The following CACHD1 variants were observed in gnomAD, a reference collection of about 807,000 sequenced individuals.
The protein encoded by CACHD1 is cache domain containing 1, also known as VWFA and cache domain-containing protein 1.
In CACHD1, 71 loss-of-function variants were observed where a neutral mutation model predicts 138.7. The observed-to-expected ratio is 0.51, with a 90% CI of 0.42 to 0.62. CACHD1 has a LOEUF of 0.62. Ranked by LOEUF, CACHD1 falls within the 20% of genes least tolerant of loss-of-function variation. CACHD1 has a pLI of 0.00. For missense variants in CACHD1, 1,389 were observed against 1,625.3 expected (o/e 0.85, Z 2.50); for synonymous variants, 578 against 591.5 (o/e 0.98, Z 0.33).
chr1:64,590,107 A>T (rs1265097896), intron 3 of CACHD1, among the ~76,000 whole-genome samples: 1 of 152,152 alleles, frequency 6.6e-6, no homozygotes, highest in Non-Finnish European at 1.5e-5. Context: ...GGAGATCGAG[A>T]TCATCCTGGC....
intron 23 of CACHD1, among the ~76,000 whole-genome samples, chr1:64,678,934 A>G (rs1382661282): frequency 6.6e-6 from 1 of 152,126 alleles, no homozygotes; most frequent in Non-Finnish European, 1.5e-5. Flanking sequence ...CTTAGATGGC[A>G]GTAGAGTCAA....
intron 3 of CACHD1, among the ~76,000 whole-genome samples, chr1:64,583,062 A>G (rs1432596181): frequency 1.3e-5 from 2 of 152,216 alleles, no homozygotes; most frequent in Admixed American, 1.3e-4. Context: ...ATGAGTGTAA[A>G]TGTAAATTAG....
Position 64,632,756 on chromosome 1 carries a change from C to A in CACHD1, c.789+13C>A. ...TGAACATGACAAGGTGACCATGACCCTTGTGACCCCTATGGCATCAGGTTC... is the reference window on the plus strand; with the variant it reads ...TGAACATGACAAGGTGACCATGACCATTGTGACCCCTATGGCATCAGGTTC... On this transcript the variant is annotated intron_variant, in intron 6 of 26. Coordinates refer to ENST00000651257, the MANE Select transcript of CACHD1 (RefSeq NM_020925.4). 1 of 1,614,006 alleles carries A rather than the reference C, an allele frequency of 6.2e-7. No individual in the cohort carries two copies. Among genetic ancestry groups the A allele is most frequent in the East Asian group, 2.2e-5 (1 of 44,870 alleles).
chr1:64,641,829 T>C lies in CACHD1; in HGVS notation c.1016T>C (p.Met339Thr). Residue 339 changes from methionine to threonine, a missense_variant, in exon 8 of 27, where the codon ATG becomes ACG. By Grantham distance (81) the Met-to-Thr change is moderately conservative. This residue lies in a region of CACHD1 where 1,000 missense variants were observed against 1,114.7 expected (regional missense o/e 0.90). Transcript: ENST00000651257. ...ATGTGTTTTTGTTTAGATACAGACA[T>C]GGTCATCATTTACCTGTCAGCTGGC... ...NNTKFQANTD[M>T]VIIYLSAGIT... 5.1e-6 allele frequency: 8 copies of C among 1,571,794 alleles called. No individual in the cohort carries two copies. Among genetic ancestry groups the C allele is most frequent in the Non-Finnish European group, 6.9e-6 (8 of 1,165,830 alleles).
chr1:64,551,347 T>C (rs1267865525), intron 2 of CACHD1, among the ~76,000 whole-genome samples: 2 of 152,140 alleles, frequency 1.3e-5, no homozygotes, highest in Non-Finnish European at 2.9e-5. Flanking sequence ...TCCTAAAATA[T>C]AGTGTTGATG....
Position 64,660,330 on chromosome 1 carries a change from T to C in CACHD1, c.1951+1457T>C, listed in dbSNP as rs115743560. On this transcript the variant is annotated intron_variant, in intron 13 of 26. Transcript: ENST00000651257. ...TCTCCCATAGCTACAGTTTCCAATA[T>C]GGCAGCCACTAGCCACGTGTAGCTA... 3.6e-3 allele frequency among the ~76,000 whole-genome samples: 541 copies of C among 152,262 alleles called. 1 individual carries two copies. The highest frequency in any genetic ancestry group is 0.013 in the African/African-American group (528 of 41,550).
intron 26 of CACHD1, among the ~76,000 whole-genome samples, chr1:64,683,540 C>T (rs771454692): frequency 5.3e-5 from 8 of 152,116 alleles, no homozygotes; most frequent in African/African-American, 1.2e-4. Flanking sequence ...ATGTTTATGA[C>T]GTTCCATTAG....
Position 64,663,837 on chromosome 1 carries a change from A to G in CACHD1, c.2094A>G (p.Lys698=). Residue 698 remains lysine (K), a splice_region_variant and synonymous_variant, in exon 14 of 27, where the codon AAA becomes AAG. Coordinates refer to ENST00000651257, the MANE Select transcript of CACHD1 (RefSeq NM_020925.4). ...GCCTCATTGCTAACCCGGGCCTCAA[A>G]GTAAGCATTGGCGCAGAGCTCCATT... ...NTRLIANPGL[K]FSVRNEVMAT... is the part of the protein sequence containing the mutation. 14 of 1,614,106 alleles carry G rather than the reference A, an allele frequency of 8.7e-6. No individual in the cohort carries two copies. The highest frequency in any genetic ancestry group is 1.1e-5 in the Non-Finnish European group (13 of 1,179,988).
Position 64,682,008 on chromosome 1 carries a change from G to A in CACHD1, c.3488G>A (p.Ser1163Asn), listed in dbSNP as rs1650207608. The change falls in exon 26 of 27, where the codon AGC becomes AAC. Residue 1163 changes from serine (S) to asparagine (N), a missense_variant. Around this residue, in one of 5 missense-constraint regions of CACHD1, gnomAD observed 250 missense variants for 292.9 expected, o/e 0.85. Coordinates refer to ENST00000651257, the MANE Select transcript of CACHD1 (RefSeq NM_020925.4). ...DDSHEDRGII[S>N]NTRFIAAVIE... is the part of the protein sequence containing the mutation. ...AACTGTCCTTGGCTTCCTACAGTCAGCAACACTCGGTTTATAGCTGCGGTC... is the reference window on the plus strand; with the variant it reads ...AACTGTCCTTGGCTTCCTACAGTCAACAACACTCGGTTTATAGCTGCGGTC... 10 of 1,614,026 alleles carry A rather than the reference G, an allele frequency of 6.2e-6. No individual in the cohort carries two copies. Among genetic ancestry groups the A allele is most frequent in the Non-Finnish European group, 8.5e-6 (10 of 1,179,922 alleles).
Position 64,679,602 on chromosome 1 carries a change from G to A in CACHD1, c.3252G>A (p.Glu1084=), listed in dbSNP as rs200671958. 42 of 1,614,150 alleles carry A rather than the reference G, an allele frequency of 2.6e-5. No homozygotes were observed. In the African/African-American group the frequency reaches 4.1e-4, roughly 16 times the overall value. ...CTTGCTCTTTCACTGAAGGTGATGA[G>A]GTGATCACATTAAACATGATTAAAA... The part of the protein sequence containing the change: ...YVDDMGAIGD[E]VITLNMIKSA... Residue 1084 remains glutamate (E), a synonymous_variant, in exon 24 of 27, where the codon GAG becomes GAA. Coordinates refer to ENST00000651257, the MANE Select transcript of CACHD1 (RefSeq NM_020925.4).
rs138829029 is a variant in CACHD1, at chr1:64,565,838, C to T, written c.261+15182C>T. Among the ~76,000 whole-genome samples, 49 of 152,258 alleles carry T rather than the reference C, an allele frequency of 3.2e-4. No individual in the cohort carries two copies. The South Asian group carries it at 4.8e-3, about 15-fold the overall frequency. On this transcript the variant is annotated intron_variant, in intron 2 of 26. Transcript: ENST00000651257. ...AGAGAGGTAATAAGTATAAATTGTTCAAGACCTCAGAAATGAATGTGGCAG... is the reference window on the plus strand; with the variant it reads ...AGAGAGGTAATAAGTATAAATTGTTTAAGACCTCAGAAATGAATGTGGCAG...
At chr1:64,607,805 G>GT (rs1647387912) in intron 4 of CACHD1, among the ~76,000 whole-genome samples, 1 of 152,134 alleles carries the variant, frequency 6.6e-6, no homozygotes, top group Non-Finnish European at 1.5e-5. Flanking sequence ...TAGTGATTCT[G>GT]TTTTTTCAGA....
At chr1:64,533,283 G>A (rs545381420) in intron 1 of CACHD1, among the ~76,000 whole-genome samples, 1 of 152,330 alleles carries the variant, frequency 6.6e-6, no homozygotes, top group South Asian at 2.1e-4. Flanking sequence ...TTGAACCCAG[G>A]CAGCAGAGTT....
At chr1:64,538,249 T>C (rs1358319989) in intron 1 of CACHD1, among the ~76,000 whole-genome samples, 1 of 152,230 alleles carries the variant, frequency 6.6e-6, no homozygotes. Context: ...GGCTTCAATT[T>C]CCACATTTAA....
chr1:64,547,640 T>A (rs1646727777), intron 1 of CACHD1, among the ~76,000 whole-genome samples: 1 of 152,192 alleles, frequency 6.6e-6, no homozygotes, highest in Non-Finnish European at 1.5e-5. Flanking sequence ...GTGCTGGGAT[T>A]ACAGGCATGA....
intron 1 of CACHD1, among the ~76,000 whole-genome samples, chr1:64,515,548 G>T (rs927810340): frequency 2.0e-5 from 3 of 152,074 alleles, no homozygotes; most frequent in Admixed American, 6.5e-5. Flanking sequence ...AAATCATTTT[G>T]ACTATTAGTA....
intron 12 of CACHD1, among the ~76,000 whole-genome samples, chr1:64,656,473 G>T (rs1649265990): frequency 6.6e-6 from 1 of 152,128 alleles, no homozygotes; most frequent in Admixed American, 6.5e-5. Context: ...ATTAGAGATT[G>T]TTTACCTCCA....
At chr1:64,678,031 C>G in intron 22 of CACHD1, 128 bp from the exon 23 acceptor site, 6 of 927,698 alleles carry the variant, frequency 6.5e-6, no homozygotes, top group Non-Finnish European at 9.5e-6. Flanking sequence ...GGAAAGGAAA[C>G]TAAAGCTCAA....
chr1:64,503,434 C>T (rs1570310552), intron 1 of CACHD1, among the ~76,000 whole-genome samples: 1 of 152,050 alleles, frequency 6.6e-6, no homozygotes. Flanking sequence ...TTTACAGAGC[C>T]AAGATACTAA....
Sources: gnomAD v4.1 joint callset for allele counts (sites outside exome capture counted in the v4.1 genomes callset) on GRCh38, gnomAD v4.1.1 for gene constraint, gnomAD v4.1.1 regional missense constraint, MANE v1.5 for transcripts, NCBI Gene and HGNC (gene_info 2026-07-23, HGNC 2026-07-21) for gene names.